ARMC5: variants seen among roughly 807,000 people sequenced by gnomAD.
The protein encoded by ARMC5 is armadillo repeat-containing protein 5.
In ARMC5, 28 loss-of-function variants were observed where a neutral mutation model predicts 60.5. The observed-to-expected ratio is 0.46, with a 90% CI of 0.34 to 0.63. The LOEUF is 0.63. ARMC5 is among the 30% of genes least tolerant of loss of function. The pLI is 0.01. For synonymous variants in ARMC5, 680 were observed against 607.3 expected, an observed-to-expected ratio of 1.12 and a Z score of -1.76; for missense variants, 1,189 against 1,304.9, an observed-to-expected ratio of 0.91 and a Z score of 1.37.
intron 3 of ARMC5, 150 bp downstream of exon 3, chr16:31,463,067 A>G: frequency 1.2e-6 from 1 of 836,582 alleles, no homozygotes; most frequent in Non-Finnish European, 1.8e-6. Flanking sequence ...ACCACCTGCC[A>G]GTTCCTATTT....
rs776047628 is a variant in ARMC5 at position 31,460,013 on chromosome 16, C to A, written c.475+14C>A. 6.3e-7 allele frequency: 1 copy of A among 1,592,584 alleles called. No individual in the cohort carries two copies. Among genetic ancestry groups the A allele is most frequent in the Admixed American group, 1.7e-5 (1 of 59,068 alleles). On this transcript the variant is annotated intron_variant, in intron 1 of 5. Coordinates refer to ENST00000268314, the MANE Select transcript of ARMC5 (RefSeq NM_001105247.2). ...TACTCCCTTTGGGTAAGTGCTCCGC[C>A]CCCGTTTCCTAGAAAGATTAGGTTT... is the stretch of plus-strand genomic sequence containing the variant.
rs1387420962 is a variant in ARMC5, at chr16:31,461,920, A to G, written c.476-2A>G. On this transcript the variant is annotated splice_acceptor_variant, in intron 1 of 5. Coordinates refer to ENST00000268314, the MANE Select transcript of ARMC5 (RefSeq NM_001105247.2). LOFTEE classifies it high-confidence loss of function. ...CCTCACAAGCCCAAACTGTCGTTGC[A>G]GTGACCATTCTTCAGTGCATGAAGA... The G allele has an allele frequency of 6.2e-7, 1 of 1,613,786 alleles. No individual in the cohort carries two copies. The highest frequency in any genetic ancestry group is 8.5e-7 in the Non-Finnish European group (1 of 1,179,742).
At chr16:31,460,062 CG>C (rs1254307080) in intron 1 of ARMC5, 63 bp downstream of exon 1, 2 of 1,536,132 alleles carry the variant, frequency 1.3e-6, no homozygotes, top group Non-Finnish European at 1.8e-6. Flanking sequence ...TCTCTAGACC[CG>C]GGCAGTCTGG....
rs1567373761 is a variant in ARMC5, at chr16:31,459,861, G to GGACGGT, written c.337_338insGACGGT (p.Ala113delinsGlyArgSer). Reference sequence around the variant, plus strand: ...CCCCGCGTCGGGCCCCGCCCCCTCCGCTGTGTCGTCGTCTAGTCCTACGCC... The same window carrying GGACGGT: ...CCCCGCGTCGGGCCCCGCCCCCTCCGGACGGTCTGTGTCGTCGTCTAGTCCTACGCC... On this transcript the variant is annotated protein_altering_variant, in exon 1 of 6. Transcript: ENST00000268314. 6.3e-7 allele frequency: 1 copy of GGACGGT among 1,599,834 alleles called. No individual in the cohort carries two copies. The highest frequency in any genetic ancestry group is 8.5e-7 in the Non-Finnish European group (1 of 1,178,226).
upstream of ARMC5, chr16:31,458,422 G>C: frequency 6.5e-7 from 1 of 1,535,716 alleles, no homozygotes; most frequent in Non-Finnish European, 8.7e-7. Context: ...GCAGGAGTAC[G>C]GCTTTTCACC....
Position 31,462,186 on chromosome 16 carries a change from A to G in ARMC5, c.639A>G (p.Leu213=). The change falls in exon 3 of 6, where the codon CTA becomes CTG. Residue 213 remains leucine (L), a synonymous_variant. Transcript: ENST00000268314. The surrounding 1 kb of genome is among the most constrained non-coding windows in gnomAD (Gnocchi z 7.2). ...SLTACQDSQC[L]QSVVRALRNL... is the part of the protein sequence containing the mutation. ...CAGCCTGCCAGGACTCGCAGTGCCT[A>G]CAGAGCGTGGTGCGTGCCCTCCGTA... The G allele has an allele frequency of 6.2e-7, 1 of 1,612,440 alleles. No individual in the cohort carries two copies. The highest frequency in any genetic ancestry group is 8.5e-7 in the Non-Finnish European group (1 of 1,179,990).
Position 31,462,064 on chromosome 16 carries a change from T to TG in ARMC5, c.583+39dup. ...TGTGAGGTTGGGGTCTGCTAGGGCTTGGGGCAGAAGAAAGGCTTGAGTGTC... is the reference window on the plus strand; with the variant it reads ...TGTGAGGTTGGGGTCTGCTAGGGCTTGGGGGCAGAAGAAAGGCTTGAGTGTC... On this transcript the variant is annotated intron_variant, in intron 2 of 5. Transcript: ENST00000268314. This position sits in a 1 kb window ranked among gnomAD's most constrained non-coding sequence, Gnocchi z 7.2. 6.2e-7 allele frequency: 1 copy of TG among 1,613,468 alleles called. No individual in the cohort carries two copies. Among genetic ancestry groups the TG allele is most frequent in the Non-Finnish European group, 8.5e-7 (1 of 1,179,478 alleles).
In ARMC5 at chr16:31,466,988, C is replaced by A; in HGVS notation, c.*99C>A. On this transcript the variant is annotated 3_prime_UTR_variant, in exon 6 of 6. Transcript: ENST00000268314. The surrounding 1 kb of genome is among the most constrained non-coding windows in gnomAD (Gnocchi z 8.0). Reference sequence around the variant, plus strand: ...GAGGAGGCTGAGCAGAAGGAGTCATCATGGAGGAGCGGTGAGAACATGGAA... The same window carrying A: ...GAGGAGGCTGAGCAGAAGGAGTCATAATGGAGGAGCGGTGAGAACATGGAA... 7.4e-7 allele frequency: 1 copy of A among 1,350,692 alleles called. No individual in the cohort carries two copies. Among genetic ancestry groups the A allele is most frequent in the Non-Finnish European group, 9.7e-7 (1 of 1,035,934 alleles). 83.7% of individuals were successfully genotyped at this position (1,350,692 alleles called of 1,614,324 possible). A position where few individuals can be genotyped will look rare whatever the true frequency, so the allele number is the denominator to read the frequency against.
At chr16:31,465,810 T>C (rs1285639371) in intron 4 of ARMC5, 40 bp from the exon 5 acceptor site, 2 of 1,604,304 alleles carry the variant, frequency 1.2e-6, no homozygotes, top group East Asian at 2.2e-5. Context: ...CCACCTGTCT[T>C]AGACCCCAGT....
chr16:31,465,707 C>G (rs1015705109), intron 4 of ARMC5, 143 bp from the exon 5 acceptor site: 3 of 1,477,190 alleles, frequency 2.0e-6, no homozygotes, highest in Non-Finnish European at 2.7e-6. Context: ...CCCAGCGTCC[C>G]GAGCCCAGCA....
In ARMC5 at chr16:31,462,232, C is replaced by A; in HGVS notation, c.685C>A (p.His229Asn). ...CCGTAACCTGGCAGACTCACCCCAG[C>A]ACCGCCTGGCCTTGGCACAGCAGGG... ...ALRNLADSPQ[H>N]RLALAQQGAV... Residue 229 changes from histidine (H) to asparagine (N), a missense_variant, in exon 3 of 6, where the codon CAC (histidine) becomes AAC (asparagine). Physicochemically the swap from His to Asn is moderately conservative, Grantham distance 68 (BLOSUM62 1). This residue lies in a region of ARMC5 where 862 missense variants were observed against 1,071.2 expected (regional missense o/e 0.80). Coordinates refer to ENST00000268314, the MANE Select transcript of ARMC5 (RefSeq NM_001105247.2). The surrounding 1 kb of genome is among the most constrained non-coding windows in gnomAD (Gnocchi z 7.2). 6.2e-7 allele frequency: 1 copy of A among 1,610,418 alleles called. No individual in the cohort carries two copies. Among genetic ancestry groups the A allele is most frequent in the Non-Finnish European group, 8.5e-7 (1 of 1,180,018 alleles).
Position 31,462,274 on chromosome 16 carries a change from G to T in ARMC5, c.727G>T (p.Ala243Ser). Residue 243 changes from alanine to serine, a missense_variant, in exon 3 of 6, where the codon GCC (alanine) becomes TCC (serine). Around this residue, in one of 2 missense-constraint regions of ARMC5, gnomAD observed 862 missense variants for 1,071.2 expected, o/e 0.80. Transcript: ENST00000268314. The surrounding 1 kb of genome is among the most constrained non-coding windows in gnomAD (Gnocchi z 7.2). ...ACAGCAGGGAGCAGTGCGTCCGCTG[G>T]CCGAGCTCCTGGCCACTGCCCCAGA... ...LAQQGAVRPL[A>S]ELLATAPDAA... The T allele has an allele frequency of 1.2e-6, 2 of 1,609,576 alleles. No individual in the cohort carries two copies.
upstream of ARMC5, chr16:31,458,823 C>A: frequency 6.5e-7 from 1 of 1,532,622 alleles, no homozygotes; most frequent in Non-Finnish European, 8.7e-7. Flanking sequence ...CGGCCGACTG[C>A]GCTGCGAGTG....
rs750129420 is a variant in ARMC5, at chr16:31,459,662, C to T, written c.138C>T (p.Ala46=). 13 of 1,584,300 alleles carry T rather than the reference C, an allele frequency of 8.2e-6. No individual in the cohort carries two copies. The highest frequency in any genetic ancestry group is 3.6e-5 in the Admixed American group (2 of 55,138). Residue 46 remains alanine, a synonymous_variant, in exon 1 of 6, where the codon GCC becomes GCT. Coordinates refer to ENST00000268314, the MANE Select transcript of ARMC5 (RefSeq NM_001105247.2). The stretch of plus-strand genomic sequence containing the variant: ...CACCCCTGAGCCGCGCGCTCCTAGC[C>T]CTCCGCACGCGCCACATCAAGGCAG... ...NETPLSRALL[A]LRTRHIKAAG...
Position 31,464,292 on chromosome 16 carries a change from T to C in ARMC5, c.1371-102T>C, listed in dbSNP as rs1441590145. 4.3e-6 allele frequency: 2 copies of C among 468,534 alleles called. No individual in the cohort carries two copies. Among genetic ancestry groups the C allele is most frequent in the Non-Finnish European group, 6.5e-6 (2 of 309,520 alleles). The allele number at this position is 468,534 out of a possible 1,614,324, so 29.0% of individuals were successfully genotyped here. A position where few individuals can be genotyped will look rare whatever the true frequency, so the allele number is the denominator to read the frequency against. ...GCTATAGAGGGATACCACATTTCTT[T>C]AAAAAAAAAAAAAAAAAAAAAAAAG... On this transcript the variant is annotated intron_variant, in intron 3 of 5. Coordinates refer to ENST00000268314, the MANE Select transcript of ARMC5 (RefSeq NM_001105247.2). The surrounding 1 kb of genome is among the most constrained non-coding windows in gnomAD (Gnocchi z 7.6).
chr16:31,460,269 G>A (rs1281970547), intron 1 of ARMC5: 8 of 466,184 alleles, frequency 1.7e-5, no homozygotes, highest in African/African-American at 1.0e-4. Flanking sequence ...GGAGGCCAAA[G>A]AGTTATTTGG....
chr16:31,459,501 G>A lies in ARMC5; in HGVS notation c.-24G>A. 1.3e-6 allele frequency: 2 copies of A among 1,589,450 alleles called. No individual in the cohort carries two copies. The highest frequency in any genetic ancestry group is 2.3e-5 in the East Asian group (1 of 44,040). On this transcript the variant is annotated 5_prime_UTR_variant, in exon 1 of 6. Coordinates refer to ENST00000268314, the MANE Select transcript of ARMC5 (RefSeq NM_001105247.2). The stretch of plus-strand genomic sequence containing the variant: ...CCTGGGATCAGCGGCGAGAAGCGGG[G>A]CGGAGTCTGAGGCCCGAGCCAAGAT...
In ARMC5 at chr16:31,463,345, C is replaced by T. The variant is rs189184393; in HGVS notation, c.1370+428C>T. Among the ~76,000 whole-genome samples, 386 of 152,258 alleles carry T rather than the reference C, an allele frequency of 2.5e-3. 3 individuals carry two copies. The highest frequency in any genetic ancestry group is 8.3e-3 in the South Asian group (40 of 4,834). On this transcript the variant is annotated intron_variant, in intron 3 of 5. Coordinates refer to ENST00000268314, the MANE Select transcript of ARMC5 (RefSeq NM_001105247.2). ...AACTCCTGACCTCAGGTGATCCACC[C>T]GCCTCAGCCTCCTAAAGTCCTGGGA... is the stretch of plus-strand genomic sequence containing the variant.
upstream of ARMC5, chr16:31,458,923 A>C (rs1471302017): frequency 6.5e-7 from 1 of 1,535,632 alleles, no homozygotes; most frequent in South Asian, 1.2e-5. Context: ...CCAGCTCCGG[A>C]AACGGAAAAT....
Sources: allele counts gnomAD v4.1 joint callset (sites outside exome capture counted in the v4.1 genomes callset), GRCh38; gene constraint gnomAD v4.1.1; regional missense constraint gnomAD v4.1.1; non-coding constraint Gnocchi (gnomAD v3.1); transcripts MANE v1.5; gene names NCBI Gene and HGNC (gene_info 2026-07-23, HGNC 2026-07-21).